The following ADPGK variants were observed in gnomAD, a reference collection of about 807,000 sequenced individuals.
The protein encoded by ADPGK is ADP-dependent glucokinase.
In ADPGK, 26 loss-of-function variants were observed where a neutral mutation model predicts 42.4. The observed-to-expected ratio is 0.61, with a 90% CI of 0.45 to 0.85. ADPGK has a LOEUF of 0.85. Ranked by LOEUF, ADPGK falls within the 40% of genes least tolerant of loss-of-function variation. The pLI, the probability that ADPGK is intolerant of heterozygous loss-of-function variation, is 0.00. For synonymous variants in ADPGK, 267 were observed against 252.6 expected, an observed-to-expected ratio of 1.06 and a Z score of -0.54; for missense variants, 571 against 627.0, an observed-to-expected ratio of 0.91 and a Z score of 0.95.
At chr15:72,782,527 C>CAAAAAAAAAA (rs5813692) in intron 1 of ADPGK, among the ~76,000 whole-genome samples, 3 of 61,276 alleles carry the variant, frequency 4.9e-5, no homozygotes, top group African/African-American at 2.1e-4. Flanking sequence ...ACCCTGTGTC[C>CAAAAAAAAAA]AAAAAAAAAA....
intron 4 of ADPGK, among the ~76,000 whole-genome samples, chr15:72,759,584 A>C (rs1368431557): frequency 6.6e-6 from 1 of 152,204 alleles, no homozygotes; most frequent in African/African-American, 2.4e-5. Flanking sequence ...CTAGTAGAGA[A>C]GATTCTCTTA....
chr15:72,765,834 A>T (rs1173688542), intron 3 of ADPGK, among the ~76,000 whole-genome samples: 1 of 152,256 alleles, frequency 6.6e-6, no homozygotes, highest in African/African-American at 2.4e-5. Context: ...ATGAACAAAG[A>T]AAGTGGCTGA....
In ADPGK at chr15:72,760,425, T is replaced by C. The variant is rs2066177283; in HGVS notation, c.625A>G (p.Ile209Val). The C allele has an allele frequency of 1.2e-6, 2 of 1,604,714 alleles. No individual in the cohort carries two copies. The change falls in exon 4 of 7, where the codon ATT (isoleucine) becomes GTT (valine). Residue 209 changes from isoleucine (I) to valine (V), a missense_variant. Coordinates refer to ENST00000456471, the MANE Select transcript of ADPGK (RefSeq NM_001365225.1). ...SLQEVDEFHL[I>V]LEYQAGEEWG... Reference sequence around the variant, plus strand: ...TCCTTACCTGCTTGATACTCTAAAATGAGGTGGAACTCATCCACTTCCTGC... The same window carrying C: ...TCCTTACCTGCTTGATACTCTAAAACGAGGTGGAACTCATCCACTTCCTGC...
chr15:72,767,017 A>G, intron 3 of ADPGK, among the ~76,000 whole-genome samples: 1 of 152,212 alleles, frequency 6.6e-6, no homozygotes, highest in East Asian at 1.9e-4. Context: ...ATTAAAAAGC[A>G]AGCCCCAACT....
Position 72,752,737 on chromosome 15 carries a change from A to G in ADPGK, c.1098T>C (p.His366=), listed in dbSNP as rs537991890. The change falls in exon 7 of 7, where the codon CAT becomes CAC. Residue 366 remains histidine (H), a synonymous_variant. Transcript: ENST00000456471. ...CCGAGGCTCTGCTTTTACTCCTCCCATGTTCTTTCAAGATCCAGAAGAGGA... is the reference window on the plus strand; with the variant it reads ...CCGAGGCTCTGCTTTTACTCCTCCCGTGTTCTTTCAAGATCCAGAAGAGGA... ...SDILFWILKE[H]GRSKSRASDL... 4 of 1,614,100 alleles carry G rather than the reference A, an allele frequency of 2.5e-6. No homozygotes were observed. Among genetic ancestry groups the G allele is most frequent in the East Asian group, 2.2e-5 (1 of 44,874 alleles).
rs1022172220 is a variant in ADPGK, at chr15:72,755,651, C to A, written c.844G>T (p.Val282Leu). Residue 282 changes from valine (V) to leucine (L), a missense_variant, in exon 6 of 7, where the codon GTA (valine) becomes TTA (leucine). By Grantham distance (32) the Val-to-Leu change is conservative (BLOSUM62 1). Coordinates refer to ENST00000456471, the MANE Select transcript of ADPGK (RefSeq NM_001365225.1). ...GTGGGGATGTCAGAAATGGAGGTTA[C>A]AACCTGCAAAGAGAAGAAGATAAGC... ...ELQRKRLLEV[V>L]TSISDIPTGI... The A allele has an allele frequency of 8.7e-6, 14 of 1,610,406 alleles. No homozygotes were observed. The highest frequency in any genetic ancestry group is 1.7e-4 in the Middle Eastern group (1 of 6,058).
chr15:72,779,237 C>A, intron 1 of ADPGK, among the ~76,000 whole-genome samples: 1 of 135,940 alleles, frequency 7.4e-6, no homozygotes, highest in East Asian at 2.1e-4. Context: ...TAAATATTAG[C>A]ATGAGGGTTT....
chr15:72,777,268 T>C (rs962626272), intron 1 of ADPGK, among the ~76,000 whole-genome samples: 2 of 152,030 alleles, frequency 1.3e-5, no homozygotes, highest in East Asian at 3.9e-4. Flanking sequence ...AGGGCTTGAG[T>C]AAGGAGGGAT....
At chr15:72,783,377 G>T (rs1029502424) in intron 1 of ADPGK, 82 bp downstream of exon 1, 6 of 1,308,836 alleles carry the variant, frequency 4.6e-6, no homozygotes, top group Middle Eastern at 2.9e-4. Context: ...GGACCTCTGA[G>T]AAGCCCTGTT....
chr15:72,754,057 T>G (rs1275910085), intron 6 of ADPGK, among the ~76,000 whole-genome samples: 1 of 146,630 alleles, frequency 6.8e-6, no homozygotes, highest in Non-Finnish European at 1.5e-5. Flanking sequence ...TATTTTGCTA[T>G]GCACCTAATA....
chr15:72,769,445 G>C lies in ADPGK; in HGVS notation c.522+2338C>G, dbSNP rs542406144. Among the ~76,000 whole-genome samples, 76 of 152,122 alleles carry C rather than the reference G, an allele frequency of 5.0e-4. 1 individual carries two copies. In the Middle Eastern group the frequency reaches 0.024, roughly 48 times the overall value. On this transcript the variant is annotated intron_variant, in intron 3 of 6. Transcript: ENST00000456471. ...ACTGCAACCTCCGCCTCCCGGGTTC[G>C]AGCGATTCTCCTGCCTCAGCCTCCT...
chr15:72,756,333 A>G lies in ADPGK; in HGVS notation c.758T>C (p.Phe253Ser), dbSNP rs2066114095. 1 of 1,614,058 alleles carries G rather than the reference A, an allele frequency of 6.2e-7. No homozygotes were observed. The highest frequency in any genetic ancestry group is 1.3e-5 in the African/African-American group (1 of 74,916). ...AGAGAGGACCACCAGGTCTGGCTGAAACTCCTCCAGGCTAGACACAAACAC... is the reference window on the plus strand; with the variant it reads ...AGAGAGGACCACCAGGTCTGGCTGAGACTCCTCCAGGCTAGACACAAACAC... ...LEVFVSSLEE[F>S]QPDLVVLSGL... The change falls in exon 5 of 7, where the codon TTT becomes TCT. Residue 253 changes from phenylalanine to serine, a missense_variant. Physicochemically the swap from Phe to Ser is radical, Grantham distance 155. Coordinates refer to ENST00000456471, the MANE Select transcript of ADPGK (RefSeq NM_001365225.1).
intron 1 of ADPGK, 173 bp downstream of exon 1, chr15:72,783,286 A>G (rs1255606554): frequency 1.6e-6 from 2 of 1,262,084 alleles, no homozygotes; most frequent in African/African-American, 3.1e-5. Flanking sequence ...GAGTGGAAAG[A>G]GCAGCGGTGA....
At position 72,783,573 on chromosome 15, in the gene ADPGK, C is replaced by G. The variant is rs1419691977; in HGVS notation, c.119G>C (p.Cys40Ser). Reference sequence around the variant, plus strand: ...CGGGGGCGCAGGCGCGGGCCCCAGACACAGCGAGCTCCAGAGAGAGCGCAG... The same window carrying G: ...CGGGGGCGCAGGCGCGGGCCCCAGAGACAGCGAGCTCCAGAGAGAGCGCAG... ...SALRSLWSSL[C>S]LGPAPAPPGP... Residue 40 changes from cysteine to serine, a missense_variant, in exon 1 of 7, where the codon TGT becomes TCT. Transcript: ENST00000456471. 1 of 1,511,700 alleles carries G rather than the reference C, an allele frequency of 6.6e-7. No individual in the cohort carries two copies. The highest frequency in any genetic ancestry group is 1.2e-5 in the South Asian group (1 of 81,400). The allele number at this position is 1,511,700 out of a possible 1,614,324, so 93.6% of individuals were successfully genotyped here.
intron 2 of ADPGK, 80 bp from the exon 3 acceptor site, chr15:72,771,925 A>G: frequency 8.4e-7 from 1 of 1,192,146 alleles, no homozygotes; most frequent in Non-Finnish European, 1.1e-6. Context: ...TATTTTAAAA[A>G]TTAATTTATA....
intron 3 of ADPGK, among the ~76,000 whole-genome samples, chr15:72,763,113 T>A (rs2066215807): frequency 6.6e-6 from 1 of 152,178 alleles, no homozygotes; most frequent in Non-Finnish European, 1.5e-5. Context: ...TTAAAAGAAG[T>A]CCTTCTGGCA....
intron 5 of ADPGK, chr15:72,755,930 G>A (rs1190834769): frequency 3.1e-6 from 2 of 647,824 alleles, no homozygotes; most frequent in East Asian, 6.2e-5. Flanking sequence ...TTGCAGCATA[G>A]CTGATGTGAA....
At chr15:72,773,017 C>G (rs1307504660) in intron 2 of ADPGK, among the ~76,000 whole-genome samples, 2 of 152,098 alleles carry the variant, frequency 1.3e-5, no homozygotes, top group African/African-American at 2.4e-5. Flanking sequence ...TAGACTAAAC[C>G]AGGGGTGTCC....
intron 4 of ADPGK, chr15:72,758,574 A>C (rs1347240112): frequency 4.5e-6 from 1 of 220,188 alleles, no homozygotes; most frequent in Non-Finnish European, 9.2e-6. Context: ...GTCACCTCAC[A>C]AAGTTTAATG....
Sources: gnomAD v4.1 joint callset for allele counts (sites outside exome capture counted in the v4.1 genomes callset) on GRCh38, gnomAD v4.1.1 for gene constraint, MANE v1.5 for transcripts, NCBI Gene and HGNC (gene_info 2026-07-23, HGNC 2026-07-21) for gene names.